The following SPATS2L variants were observed in gnomAD, a reference collection of about 807,000 sequenced individuals.
SPATS2L encodes spermatogenesis associated serine rich 2 like, also known as SPATS2-like protein.
In SPATS2L, 30 loss-of-function variants were observed where a neutral mutation model predicts 59.6. The ratio of observed to expected loss-of-function variants is 0.50; its 90% CI spans 0.38 to 0.68. SPATS2L has a LOEUF of 0.68. Ranked by LOEUF, SPATS2L falls within the 30% of genes least tolerant of loss-of-function variation. The pLI is 0.00. For synonymous variants in SPATS2L, 252 were observed against 263.5 expected (o/e 0.96, Z 0.42); for missense variants, 615 against 700.0 (o/e 0.88, Z 1.37).
chr2:200,417,776 A>G (rs527755473), intron 5 of SPATS2L, among the ~76,000 whole-genome samples: 79 of 152,326 alleles, frequency 5.2e-4, no homozygotes, highest in African/African-American at 1.9e-3. Flanking sequence ...AGAATTGAGA[A>G]GAAAAAACTG....
intron 2 of SPATS2L, among the ~76,000 whole-genome samples, chr2:200,387,636 A>G (rs1351806813): frequency 1.3e-5 from 2 of 152,250 alleles, no homozygotes; most frequent in African/African-American, 2.4e-5. Context: ...GGGAAGAATC[A>G]GAGAATTTTT....
At chr2:200,316,757 G>A (rs2079393962) in intron 1 of SPATS2L, among the ~76,000 whole-genome samples, 1 of 152,174 alleles carries the variant, frequency 6.6e-6, no homozygotes, top group African/African-American at 2.4e-5. Context: ...TGGGACAGTA[G>A]TGTCCCTAGG....
Position 200,343,704 on chromosome 2 carries a change from AAT to A in SPATS2L, c.-23+14229_-23+14230del, listed in dbSNP as rs548924122. ...AATTGCTTCAATTACAGATTAGTTA[AAT>A]ATATTCTGTATATGATGTCACAGTC... On this transcript the variant is annotated intron_variant, in intron 2 of 12. Transcript: ENST00000409140. 2.9e-3 allele frequency among the ~76,000 whole-genome samples: 437 copies of A among 152,296 alleles called. 1 individual carries two copies. Among genetic ancestry groups the A allele is most frequent in the African/African-American group, 0.01 (421 of 41,580 alleles).
At chr2:200,387,836 A>G (rs1377747383) in intron 2 of SPATS2L, among the ~76,000 whole-genome samples, 2 of 152,232 alleles carry the variant, frequency 1.3e-5, no homozygotes, top group African/African-American at 2.4e-5. Flanking sequence ...TGTGCATTTA[A>G]GTCATTTATT....
At chr2:200,433,776 A>G (rs1202986771) in intron 6 of SPATS2L, among the ~76,000 whole-genome samples, 1 of 152,144 alleles carries the variant, frequency 6.6e-6, no homozygotes, top group Non-Finnish European at 1.5e-5. Context: ...ACAAGAAGAA[A>G]TAGAAAATCT....
Position 200,383,911 on chromosome 2 carries a change from AAGAGCATTAATGGGTTTC to A in SPATS2L, c.-22-5307_-22-5290del, listed in dbSNP as rs2081906804. The A allele has an allele frequency of 5.0e-6, 5 of 1,001,792 alleles. No individual in the cohort carries two copies. The African/African-American group carries it at 5.2e-5, about 10-fold the overall frequency. 62.1% of individuals were successfully genotyped at this position (1,001,792 alleles called of 1,614,324 possible). ...TACCCAAGAACAGGAAAGTAAACCT[AAGAGCATTAATGGGTTTC>A]AGAGAAACGAAAGTGAAACTTTATT... On this transcript the variant is annotated intron_variant, in intron 2 of 12. Coordinates refer to ENST00000409140, the MANE Select transcript of SPATS2L (RefSeq NM_001100423.2).
intron 2 of SPATS2L, among the ~76,000 whole-genome samples, chr2:200,361,538 A>G (rs780505908): frequency 1.1e-4 from 17 of 152,224 alleles, no homozygotes; most frequent in Non-Finnish European, 2.1e-4. Context: ...AAGAGAATAC[A>G]TTTCTCCAAA....
chr2:200,436,741 A>C (rs1022138601), intron 6 of SPATS2L, among the ~76,000 whole-genome samples: 1 of 152,178 alleles, frequency 6.6e-6, no homozygotes, highest in Non-Finnish European at 1.5e-5. Flanking sequence ...TATTTTCAAG[A>C]ATATGATCTC....
intron 8 of SPATS2L, among the ~76,000 whole-genome samples, chr2:200,453,319 G>A (rs2085597071): frequency 6.6e-6 from 1 of 152,198 alleles, no homozygotes; most frequent in African/African-American, 2.4e-5. Context: ...CCTGACCCTG[G>A]GAATAAAGAA....
chr2:200,348,720 C>T (rs1268151153), intron 2 of SPATS2L, among the ~76,000 whole-genome samples: 1 of 152,060 alleles, frequency 6.6e-6, no homozygotes, highest in African/African-American at 2.4e-5. Flanking sequence ...AGGATAGGCA[C>T]ACATGAGAAT....
chr2:200,350,633 C>T (rs891441333), intron 2 of SPATS2L, among the ~76,000 whole-genome samples: 1 of 152,136 alleles, frequency 6.6e-6, no homozygotes, highest in African/African-American at 2.4e-5. Context: ...AAGCGATATT[C>T]GTGCCTCAGC....
At chr2:200,458,944 A>G (rs1467946511) in intron 8 of SPATS2L, among the ~76,000 whole-genome samples, 2 of 152,114 alleles carry the variant, frequency 1.3e-5, no homozygotes, top group Admixed American at 1.3e-4. Flanking sequence ...CACCCTGGGG[A>G]TTTTCCCCAG....
In SPATS2L at chr2:200,419,231, C is replaced by T; in HGVS notation, c.199-19C>T. On this transcript the variant is annotated intron_variant, in intron 5 of 12. Transcript: ENST00000409140. ...GAGTCTGAGTTGAATATTATGTTCTCATTTGTTTCTCATTCTAGAACAATA... is the reference window on the plus strand; with the variant it reads ...GAGTCTGAGTTGAATATTATGTTCTTATTTGTTTCTCATTCTAGAACAATA... 1 of 1,549,360 alleles carries T rather than the reference C, an allele frequency of 6.5e-7. No homozygotes were observed. The highest frequency in any genetic ancestry group is 8.7e-7 in the Non-Finnish European group (1 of 1,146,146).
At chr2:200,420,780 A>T (rs7581668) in intron 6 of SPATS2L, among the ~76,000 whole-genome samples, 1 of 152,180 alleles carries the variant, frequency 6.6e-6, no homozygotes, top group Non-Finnish European at 1.5e-5. Context: ...TTTTAAAATC[A>T]TGAATGTCCA....
At chr2:200,355,813 A>G (rs879798716) in intron 2 of SPATS2L, among the ~76,000 whole-genome samples, 1 of 152,212 alleles carries the variant, frequency 6.6e-6, no homozygotes, top group Non-Finnish European at 1.5e-5. Flanking sequence ...TGACTTCAGT[A>G]TTATGCTATT....
At chr2:200,443,547 A>C (rs550206704) in intron 8 of SPATS2L, among the ~76,000 whole-genome samples, 1 of 152,182 alleles carries the variant, frequency 6.6e-6, no homozygotes, top group Non-Finnish European at 1.5e-5. Context: ...CAAGCGACAT[A>C]GATGTATACC....
intron 1 of SPATS2L, among the ~76,000 whole-genome samples, chr2:200,326,199 A>G (rs557765887): frequency 1.8e-4 from 27 of 152,058 alleles, no homozygotes; most frequent in Non-Finnish European, 2.5e-4. Flanking sequence ...ATAGCCTTGA[A>G]CTCTGGGCTA....
intron 5 of SPATS2L, among the ~76,000 whole-genome samples, chr2:200,416,945 TC>T (rs1051270733): frequency 5.3e-5 from 8 of 152,172 alleles, no homozygotes; most frequent in African/African-American, 1.9e-4. Flanking sequence ...TAAGGGGCTT[TC>T]TTGAACACTG....
Position 200,420,904 on chromosome 2 carries a change from C to T in SPATS2L, c.445+1408C>T, listed in dbSNP as rs370613055. ...CAACCCCACCGCCAACACACACACA[C>T]ACAATCATTTTGCTAATTTTTAAAA... On this transcript the variant is annotated intron_variant, in intron 6 of 12. Transcript: ENST00000409140. 5.3e-5 allele frequency among the ~76,000 whole-genome samples: 8 copies of T among 152,248 alleles called. No homozygotes were observed. In the East Asian group the frequency reaches 1.3e-3, roughly 26 times the overall value.
Sources: gnomAD v4.1 joint callset for allele counts (sites outside exome capture counted in the v4.1 genomes callset) on GRCh38, gnomAD v4.1.1 for gene constraint, MANE v1.5 for transcripts, NCBI Gene and HGNC (gene_info 2026-07-23, HGNC 2026-07-21) for gene names.